Variants in DCLK3 observed in about 807,000 individuals in gnomAD.
The protein encoded by DCLK3 is serine/threonine-protein kinase DCLK3.
A neutral mutation model predicts 46.4 loss-of-function variants in DCLK3; 30 were observed. The ratio of observed to expected loss-of-function variants is 0.65; its 90% CI spans 0.48 to 0.88. DCLK3 has a LOEUF of 0.88. Among genes scored for constraint, DCLK3 ranks in the 40% least tolerant of loss-of-function variants. DCLK3 has a pLI of 0.00. For synonymous variants in DCLK3, 401 were observed against 339.2 expected (o/e 1.18, Z -2.00); for missense variants, 846 against 907.1 (o/e 0.93, Z 0.87).
chr3:36,756,234 C>G (rs1226935505), intron 1 of DCLK3, among the ~76,000 whole-genome samples: 1 of 152,212 alleles, frequency 6.6e-6, no homozygotes, highest in African/African-American at 2.4e-5. Flanking sequence ...GAACATGCCT[C>G]AGAGTTATCC....
intron 2 of DCLK3, among the ~76,000 whole-genome samples, chr3:36,725,261 G>A (rs1217734900): frequency 1.3e-5 from 2 of 149,432 alleles, no homozygotes; most frequent in African/African-American, 4.9e-5. Flanking sequence ...GAAGTGAGCT[G>A]AGCTCGCGCC....
chr3:36,756,168 A>G (rs1701482978), intron 1 of DCLK3, among the ~76,000 whole-genome samples: 1 of 152,352 alleles, frequency 6.6e-6, no homozygotes, highest in African/African-American at 2.4e-5. Flanking sequence ...AGAGTAGGTT[A>G]CTGCTATGGC....
At chr3:36,731,143 G>A (rs1701193518) in intron 2 of DCLK3, among the ~76,000 whole-genome samples, 1 of 152,152 alleles carries the variant, frequency 6.6e-6, no homozygotes, top group Admixed American at 6.5e-5. Flanking sequence ...CTGGTCAGAG[G>A]TGGCCAGCCC....
chr3:36,729,341 C>A (rs11717985), intron 2 of DCLK3, among the ~76,000 whole-genome samples: 28,185 of 151,614 alleles, frequency 0.19, 3,713 homozygotes, highest in East Asian at 0.6. Flanking sequence ...TAGCTAAACT[C>A]GCTGCTCTGG....
chr3:36,734,496 AC>A (rs1226837651), intron 2 of DCLK3, among the ~76,000 whole-genome samples: 1 of 152,128 alleles, frequency 6.6e-6, no homozygotes, highest in Non-Finnish European at 1.5e-5. Context: ...CCATACCACC[AC>A]AAAAAAAGTT....
intron 1 of DCLK3, among the ~76,000 whole-genome samples, chr3:36,753,689 ATTT>A (rs772911269): frequency 9.9e-5 from 15 of 152,070 alleles, no homozygotes; most frequent in Non-Finnish European, 1.8e-4. Context: ...TTATTTATTT[ATTT>A]TGAGATAGGG....
chr3:36,759,865 C>A (rs998795220), intron 1 of DCLK3, among the ~76,000 whole-genome samples: 1 of 152,214 alleles, frequency 6.6e-6, no homozygotes, highest in African/African-American at 2.4e-5. Flanking sequence ...CTCCATTACC[C>A]TAACGCCACA....
At chr3:36,744,932 G>A (rs1051204003) in intron 1 of DCLK3, among the ~76,000 whole-genome samples, 2 of 152,210 alleles carry the variant, frequency 1.3e-5, no homozygotes, top group African/African-American at 4.8e-5. Flanking sequence ...CTCAGTAACT[G>A]CACCGGCATG....
At chr3:36,750,783 T>C (rs1410865926) in intron 1 of DCLK3, among the ~76,000 whole-genome samples, 1 of 152,180 alleles carries the variant, frequency 6.6e-6, no homozygotes, top group East Asian at 1.9e-4. Flanking sequence ...GAAACAGACC[T>C]TCCGCAGATC....
In DCLK3 at chr3:36,749,677, G is replaced by A. The variant is rs553269934; in HGVS notation, c.83-10593C>T. 3.9e-5 allele frequency among the ~76,000 whole-genome samples: 6 copies of A among 152,308 alleles called. No homozygotes were observed. In the East Asian group the frequency reaches 1.2e-3, roughly 29 times the overall value. ...GTCAGTCTAATAAATGAGATCTGAG[G>A]TGGAAACTTCCACGATCCATTCATC... On this transcript the variant is annotated intron_variant, in intron 1 of 4. Coordinates refer to ENST00000636136, the MANE Select transcript of DCLK3 (RefSeq NM_001394672.2).
intron 1 of DCLK3, among the ~76,000 whole-genome samples, chr3:36,744,399 A>G (rs973524067): frequency 4.6e-5 from 7 of 152,370 alleles, no homozygotes; most frequent in African/African-American, 1.7e-4. Flanking sequence ...AGCATTTCTG[A>G]AGAACAACTC....
At position 36,714,100 on chromosome 3, in the gene DCLK3, A is replaced by T. The variant is rs891719204; in HGVS notation, c.*1228T>A. On this transcript the variant is annotated 3_prime_UTR_variant, in exon 5 of 5. Coordinates refer to ENST00000636136, the MANE Select transcript of DCLK3 (RefSeq NM_001394672.2). ...TTCTTCCCTTGGTTCTCCAAAGAACAGGAGCCACTTCCTGCAGTTACTATC... is the reference window on the plus strand; with the variant it reads ...TTCTTCCCTTGGTTCTCCAAAGAACTGGAGCCACTTCCTGCAGTTACTATC... 6.6e-6 allele frequency: 1 copy of T among 152,286 alleles called. No homozygotes were observed. Among genetic ancestry groups the T allele is most frequent in the Admixed American group, 6.5e-5 (1 of 15,284 alleles). The allele number at this position is 152,286 out of a possible 1,614,324, so 9.4% of individuals were successfully genotyped here.
intron 2 of DCLK3, among the ~76,000 whole-genome samples, chr3:36,726,827 G>A (rs1432612296): frequency 1.3e-5 from 2 of 152,056 alleles, no homozygotes; most frequent in Non-Finnish European, 2.9e-5. Flanking sequence ...GAGACAACAG[G>A]GTAATTACCA....
chr3:36,759,677 G>C (rs1487529126), intron 1 of DCLK3, among the ~76,000 whole-genome samples: 1 of 152,122 alleles, frequency 6.6e-6, no homozygotes, highest in African/African-American at 2.4e-5. Context: ...AACACACCAA[G>C]CTGTTTCATC....
chr3:36,724,511 T>G (rs1462505630), intron 2 of DCLK3, among the ~76,000 whole-genome samples: 1 of 151,932 alleles, frequency 6.6e-6, no homozygotes, highest in African/African-American at 2.4e-5. Flanking sequence ...TTCCCACATG[T>G]TGTGGGAGGA....
Position 36,737,816 on chromosome 3 carries a change from C to T in DCLK3, c.1351G>A (p.Ala451Thr). ...HGGWLLREHQ[A>T]GFEKLRRTRG... Reference sequence around the variant, plus strand: ...GTCCTGCGGAGCTTCTCAAAGCCCGCCTGGTGCTCTCTCAGGAGCCAGCCA... The same window carrying T: ...GTCCTGCGGAGCTTCTCAAAGCCCGTCTGGTGCTCTCTCAGGAGCCAGCCA... Residue 451 changes from alanine to threonine, a missense_variant, in exon 2 of 5, where the codon GCG becomes ACG. Coordinates refer to ENST00000636136, the MANE Select transcript of DCLK3 (RefSeq NM_001394672.2). The surrounding 1 kb of genome is among the most constrained non-coding windows in gnomAD (Gnocchi z 4.4). 6.2e-7 allele frequency: 1 copy of T among 1,614,114 alleles called. No homozygotes were observed. Among genetic ancestry groups the T allele is most frequent in the South Asian group, 1.1e-5 (1 of 91,086 alleles).
intron 1 of DCLK3, among the ~76,000 whole-genome samples, chr3:36,751,900 C>T (rs7615553): frequency 0.13 from 19,425 of 152,190 alleles, 1,631 homozygotes; most frequent in Non-Finnish European, 0.19. Context: ...CATCAGAATG[C>T]GCTGGGTGAT....
At chr3:36,753,299 A>C (rs1354913569) in intron 1 of DCLK3, among the ~76,000 whole-genome samples, 1 of 152,216 alleles carries the variant, frequency 6.6e-6, no homozygotes, top group African/African-American at 2.4e-5. Context: ...TAGAATAAAA[A>C]TCCAACATGT....
At chr3:36,726,287 G>A (rs1279352697) in intron 2 of DCLK3, among the ~76,000 whole-genome samples, 2 of 151,946 alleles carry the variant, frequency 1.3e-5, no homozygotes, top group Non-Finnish European at 2.9e-5. Flanking sequence ...GTTTCTCATG[G>A]TAGAAGCTGA....
Sources: gnomAD v4.1 joint callset for allele counts (sites outside exome capture counted in the v4.1 genomes callset) on GRCh38, gnomAD v4.1.1 for gene constraint, Gnocchi (gnomAD v3.1) non-coding constraint, MANE v1.5 for transcripts, NCBI Gene and HGNC (gene_info 2026-07-23, HGNC 2026-07-21) for gene names.